ADAMTSL3: variants seen among roughly 807,000 people sequenced by gnomAD.
The protein encoded by ADAMTSL3 is ADAMTS-like protein 3.
In ADAMTSL3, 128 loss-of-function variants were observed where a neutral mutation model predicts 201.7. The observed-to-expected ratio is 0.63, with a 90% CI of 0.55 to 0.73. ADAMTSL3 has a LOEUF of 0.73. ADAMTSL3 is among the 30% of genes least tolerant of loss of function. The pLI, the probability that ADAMTSL3 is intolerant of heterozygous loss-of-function variation, is 0.00. For missense variants in ADAMTSL3, 1,990 were observed against 2,119.6 expected (o/e 0.94, Z 1.20); for synonymous variants, 738 against 748.4 (o/e 0.99, Z 0.23).
intron 4 of ADAMTSL3, among the ~76,000 whole-genome samples, chr15:83,790,272 C>G (rs943139062): frequency 1.4e-5 from 2 of 144,882 alleles, no homozygotes; most frequent in African/African-American, 5.2e-5. Context: ...CATACAAAGA[C>G]TATATAAAGA....
intron 8 of ADAMTSL3, among the ~76,000 whole-genome samples, chr15:83,869,254 G>C (rs2065036937): frequency 1.3e-5 from 2 of 151,718 alleles, no homozygotes; most frequent in African/African-American, 4.8e-5. Context: ...TCCATTGTAG[G>C]GCCCATTTAC....
At chr15:83,906,513 A>G (rs1012446650) in intron 15 of ADAMTSL3, among the ~76,000 whole-genome samples, 3 of 152,064 alleles carry the variant, frequency 2.0e-5, no homozygotes, top group Admixed American at 6.6e-5. Flanking sequence ...TAAATAATAC[A>G]TGTAATATGC....
chr15:83,930,103 C>T (rs766139380), intron 17 of ADAMTSL3, among the ~76,000 whole-genome samples: 2 of 152,134 alleles, frequency 1.3e-5, no homozygotes, highest in Non-Finnish European at 1.5e-5. Flanking sequence ...TGGGATAAAG[C>T]CTCAGTTCCA....
intron 19 of ADAMTSL3, among the ~76,000 whole-genome samples, chr15:83,954,922 C>T (rs537363371): frequency 1.2e-4 from 19 of 152,342 alleles, no homozygotes; most frequent in African/African-American, 4.6e-4. Flanking sequence ...TGGCCACCAA[C>T]ACTGGAACTG....
chr15:83,678,653 CTTTAGT>C (rs1438091384), intron 2 of ADAMTSL3, among the ~76,000 whole-genome samples: 1 of 149,638 alleles, frequency 6.7e-6, no homozygotes, highest in African/African-American at 2.4e-5. Flanking sequence ...ATTATTGAAT[CTTTAGT>C]TTTAGTCTTT....
chr15:83,913,316 G>C lies in ADAMTSL3; in HGVS notation c.1925G>C (p.Ser642Thr). Residue 642 changes from serine to threonine, a missense_variant, in exon 16 of 30, where the codon AGT (serine) becomes ACT (threonine). Transcript: ENST00000286744. Reference protein sequence around the residue: ...RELDIPLPEDSETTYDWEYAG... With the variant: ...RELDIPLPEDTETTYDWEYAG... ...CTAGACATCCCTCTCCCTGAGGACA[G>C]TGAGACGACTTACGACTGGGAGTAC... 6.2e-7 allele frequency: 1 copy of C among 1,613,930 alleles called. No individual in the cohort carries two copies. Among genetic ancestry groups the C allele is most frequent in the Non-Finnish European group, 8.5e-7 (1 of 1,180,030 alleles).
At chr15:83,888,613 G>C (rs1032937072) in intron 10 of ADAMTSL3, among the ~76,000 whole-genome samples, 12 of 152,320 alleles carry the variant, frequency 7.9e-5, no homozygotes, top group Admixed American at 6.5e-4. Flanking sequence ...GGGGGTACTT[G>C]AATGGACTTT....
At chr15:83,818,638 T>A (rs2063806262) in intron 5 of ADAMTSL3, among the ~76,000 whole-genome samples, 1 of 152,218 alleles carries the variant, frequency 6.6e-6, no homozygotes, top group Non-Finnish European at 1.5e-5. Context: ...CTATGTTGCT[T>A]TTTTCTACCT....
chr15:83,795,683 G>GTA (rs1285008394), intron 4 of ADAMTSL3, among the ~76,000 whole-genome samples: 1 of 152,120 alleles, frequency 6.6e-6, no homozygotes, highest in East Asian at 1.9e-4. Context: ...GGAAGTGCAT[G>GTA]TATATTGGCC....
At chr15:83,876,777 G>A (rs1462428338) in intron 9 of ADAMTSL3, among the ~76,000 whole-genome samples, 1 of 152,000 alleles carries the variant, frequency 6.6e-6, no homozygotes, top group African/African-American at 2.4e-5. Context: ...GACTACATGT[G>A]CACACCACCA....
intron 15 of ADAMTSL3, among the ~76,000 whole-genome samples, chr15:83,903,962 A>AGG (rs2065785648): frequency 9.7e-5 from 9 of 92,748 alleles, no homozygotes; most frequent in African/African-American, 4.3e-4. Context: ...GAAAGAAAGA[A>AGG]AGAAAGAAAA....
At chr15:84,030,315 G>T (rs922341633) in intron 27 of ADAMTSL3, among the ~76,000 whole-genome samples, 1 of 152,194 alleles carries the variant, frequency 6.6e-6, no homozygotes, top group Non-Finnish European at 1.5e-5. Flanking sequence ...CACAGAGGAG[G>T]AGCTGCTTAA....
At chr15:83,732,448 A>G (rs543059203) in intron 3 of ADAMTSL3, among the ~76,000 whole-genome samples, 2 of 152,236 alleles carry the variant, frequency 1.3e-5, no homozygotes, top group East Asian at 3.9e-4. Flanking sequence ...ATACACGAGT[A>G]AAAGTGGGAT....
chr15:83,840,210 A>C (rs1471209595), intron 7 of ADAMTSL3, among the ~76,000 whole-genome samples: 1 of 152,214 alleles, frequency 6.6e-6, no homozygotes, highest in African/African-American at 2.4e-5. Flanking sequence ...AGAACTTAGC[A>C]AGAGCAGTAC....
Position 83,820,061 on chromosome 15 carries a change from C to G in ADAMTSL3, c.600+14C>G, listed in dbSNP as rs757511710. The G allele has an allele frequency of 2.5e-6, 4 of 1,600,034 alleles. No individual in the cohort carries two copies. The Admixed American group carries it at 6.7e-5, about 27-fold the overall frequency. ...GGCATCTGTCAGGTAAGCACACTTA[C>G]CTCCCAATCCCCTGCTTTGGGGATG... On this transcript the variant is annotated intron_variant, in intron 6 of 29. Coordinates refer to ENST00000286744, the MANE Select transcript of ADAMTSL3 (RefSeq NM_207517.3).
intron 27 of ADAMTSL3, among the ~76,000 whole-genome samples, chr15:84,028,138 T>C (rs1276870712): frequency 1.3e-5 from 2 of 152,310 alleles, no homozygotes; most frequent in Non-Finnish European, 2.9e-5. Flanking sequence ...ATGGGGTTTC[T>C]TTGGGGATGA....
intron 3 of ADAMTSL3, 127 bp from the exon 4 acceptor site, chr15:83,773,396 C>T: frequency 9.5e-7 from 1 of 1,049,468 alleles, no homozygotes; most frequent in Non-Finnish European, 1.4e-6. Context: ...AAGATCGAAG[C>T]TCTGTCTCAA....
intron 6 of ADAMTSL3, among the ~76,000 whole-genome samples, chr15:83,832,248 C>T (rs1163068475): frequency 6.6e-6 from 1 of 151,838 alleles, no homozygotes; most frequent in Non-Finnish European, 1.5e-5. Context: ...ATTTACCCTT[C>T]TGCTCACTAC....
chr15:83,690,766 G>T (rs543171418), intron 2 of ADAMTSL3, among the ~76,000 whole-genome samples: 1 of 152,170 alleles, frequency 6.6e-6, no homozygotes, highest in Non-Finnish European at 1.5e-5. Context: ...ACGCATGCTT[G>T]TACAGTAGTA....
Sources: allele counts gnomAD v4.1 joint callset (sites outside exome capture counted in the v4.1 genomes callset), GRCh38; gene constraint gnomAD v4.1.1; transcripts MANE v1.5; gene names NCBI Gene and HGNC (gene_info 2026-07-23, HGNC 2026-07-21).